CSNK2A2: variants seen among roughly 807,000 people sequenced by gnomAD.
CSNK2A2 encodes casein kinase II subunit alpha'.
In CSNK2A2, 8 loss-of-function variants were observed where a neutral mutation model predicts 54.0. The observed-to-expected ratio is 0.15, with a 90% CI of 0.09 to 0.27. The LOEUF is 0.27. CSNK2A2 is among the 10% of genes least tolerant of loss of function. The pLI is 1.00. For synonymous variants in CSNK2A2, 141 were observed against 153.9 expected (o/e 0.92, Z 0.62); for missense variants, 242 against 439.4 (o/e 0.55, Z 4.02).
Position 58,164,159 on chromosome 16 carries a change from C to T in CSNK2A2, c.977-12G>A. 1 of 1,613,344 alleles carries T rather than the reference C, an allele frequency of 6.2e-7. No homozygotes were observed. Among genetic ancestry groups the T allele is most frequent in the Non-Finnish European group, 8.5e-7 (1 of 1,179,598 alleles). On this transcript the variant is annotated splice_polypyrimidine_tract_variant and intron_variant, in intron 10 of 11. Transcript: ENST00000262506. ...CTTCACCACAGGGTCTGCAAGAAAGCAGGAGGAAAGTCAGGCAATCAGGGT... is the reference window on the plus strand; with the variant it reads ...CTTCACCACAGGGTCTGCAAGAAAGTAGGAGGAAAGTCAGGCAATCAGGGT...
chr16:58,168,705 G>C lies in CSNK2A2; in HGVS notation c.430-12C>G. On this transcript the variant is annotated splice_polypyrimidine_tract_variant and intron_variant, in intron 5 of 11. Coordinates refer to ENST00000262506, the MANE Select transcript of CSNK2A2 (RefSeq NM_001896.4). ...CAGTAATCCAGAGCCTATTAGGTAA[G>C]AAAGCACAGATAATAGTAAGCAACC... 2 of 1,607,610 alleles carry C rather than the reference G, an allele frequency of 1.2e-6. No individual in the cohort carries two copies. Among genetic ancestry groups the C allele is most frequent in the East Asian group, 2.2e-5 (1 of 44,802 alleles).
intron 2 of CSNK2A2, among the ~76,000 whole-genome samples, chr16:58,195,298 A>G (rs757031775): frequency 3.3e-5 from 5 of 152,130 alleles, no homozygotes; most frequent in Non-Finnish European, 7.3e-5. Context: ...TGTGTCTGAG[A>G]ACACAAATAA....
intron 5 of CSNK2A2, among the ~76,000 whole-genome samples, chr16:58,171,977 A>AT (rs1233463415): frequency 1.5e-4 from 5 of 34,318 alleles, no homozygotes; most frequent in African/African-American, 7.7e-4. Context: ...ATATATATAT[A>AT]TATTTTTTTT....
At chr16:58,194,479 AAAG>A (rs1272127965) in intron 2 of CSNK2A2, among the ~76,000 whole-genome samples, 2 of 152,360 alleles carry the variant, frequency 1.3e-5, no homozygotes, top group East Asian at 1.9e-4. Context: ...TAAAAAACAT[AAAG>A]AAGTGAGTCT....
chr16:58,188,830 G>C (rs1294423869), intron 2 of CSNK2A2, among the ~76,000 whole-genome samples: 2 of 152,090 alleles, frequency 1.3e-5, no homozygotes. Context: ...GTATATGAGA[G>C]AGAAAGAGAA....
Position 58,186,873 on chromosome 16 carries a change from T to A in CSNK2A2, c.217-17A>T. 6.3e-7 allele frequency: 1 copy of A among 1,579,502 alleles called. No individual in the cohort carries two copies. Among genetic ancestry groups the A allele is most frequent in the Non-Finnish European group, 8.7e-7 (1 of 1,150,222 alleles). On this transcript the variant is annotated splice_polypyrimidine_tract_variant and intron_variant, in intron 2 of 11. Transcript: ENST00000262506. ...CTTCACTGGCTTAAATACACAAGAGTAATCAGAAGTGAGACTCCTTTTGAA... is the reference window on the plus strand; with the variant it reads ...CTTCACTGGCTTAAATACACAAGAGAAATCAGAAGTGAGACTCCTTTTGAA...
intron 8 of CSNK2A2, 92 bp downstream of exon 8, chr16:58,167,115 C>T (rs2142412130): frequency 1.3e-6 from 1 of 771,894 alleles, no homozygotes; most frequent in Non-Finnish European, 2.1e-6. Flanking sequence ...CTGAGTGATA[C>T]TTAGTGGCTC....
Position 58,166,687 on chromosome 16 carries a change from G to A in CSNK2A2, c.727-3C>T. On this transcript the variant is annotated splice_region_variant and splice_polypyrimidine_tract_variant and intron_variant, in intron 8 of 11. Coordinates refer to ENST00000262506, the MANE Select transcript of CSNK2A2 (RefSeq NM_001896.4). ...AGAACCTTGGCAATGCGAACAAGCT[G>A]AAACACAAAACAAACTGACCAAATC... 1 of 1,610,082 alleles carries A rather than the reference G, an allele frequency of 6.2e-7. No homozygotes were observed. The highest frequency in any genetic ancestry group is 8.5e-7 in the Non-Finnish European group (1 of 1,176,724).
chr16:58,161,518 G>GACACACAGACACACACACAGACAC (rs67101508), intron 11 of CSNK2A2: 17 of 135,556 alleles, frequency 1.3e-4, no homozygotes, highest in Admixed American at 3.8e-4. Context: ...CTAAATATTA[G>GACACACAGACACACACACAGACAC]ACACACAGAC....
At chr16:58,172,658 C>G (rs1026877853) in intron 5 of CSNK2A2, among the ~76,000 whole-genome samples, 8 of 152,204 alleles carry the variant, frequency 5.3e-5, no homozygotes, top group African/African-American at 1.9e-4. Context: ...GTAATTAATT[C>G]TTTTGCCAAG....
At chr16:58,174,310 G>A in intron 5 of CSNK2A2, 141 bp downstream of exon 5, 1 of 583,500 alleles carries the variant, frequency 1.7e-6, no homozygotes, top group Non-Finnish European at 2.9e-6. Flanking sequence ...CCTCGATGGA[G>A]GCCTCAATAT....
chr16:58,164,158 G>C lies in CSNK2A2; in HGVS notation c.977-11C>G. 6.2e-7 allele frequency: 1 copy of C among 1,613,530 alleles called. No individual in the cohort carries two copies. Among genetic ancestry groups the C allele is most frequent in the Non-Finnish European group, 8.5e-7 (1 of 1,179,670 alleles). ...CCTTCACCACAGGGTCTGCAAGAAA[G>C]CAGGAGGAAAGTCAGGCAATCAGGG... On this transcript the variant is annotated splice_polypyrimidine_tract_variant and intron_variant, in intron 10 of 11. Coordinates refer to ENST00000262506, the MANE Select transcript of CSNK2A2 (RefSeq NM_001896.4).
chr16:58,173,262 A>C (rs1048449751), intron 5 of CSNK2A2, among the ~76,000 whole-genome samples: 1 of 152,244 alleles, frequency 6.6e-6, no homozygotes, highest in Non-Finnish European at 1.5e-5. Flanking sequence ...CATTAGCCAT[A>C]AGAGTGAACC....
chr16:58,174,846 T>G (rs956917967), intron 4 of CSNK2A2, among the ~76,000 whole-genome samples: 1 of 151,718 alleles, frequency 6.6e-6, no homozygotes, highest in African/African-American at 2.4e-5. Flanking sequence ...GTCTTCACAT[T>G]CTTACCGAAC....
At chr16:58,187,139 T>C (rs1470711965) in intron 2 of CSNK2A2, among the ~76,000 whole-genome samples, 1 of 151,148 alleles carries the variant, frequency 6.6e-6, no homozygotes, top group African/African-American at 2.4e-5. Flanking sequence ...TATCACACTT[T>C]AAAAATAAAA....
intron 11 of CSNK2A2, chr16:58,162,627 GAA>G (rs1266050706): frequency 1.3e-5 from 2 of 152,170 alleles, no homozygotes; most frequent in Non-Finnish European, 2.9e-5. Flanking sequence ...AGTTAATAAA[GAA>G]ATCTTAAAGG....
Position 58,158,057 on chromosome 16 carries a change from C to G in CSNK2A2, c.*314G>C, listed in dbSNP as rs1445267743. 3 of 152,634 alleles carry G rather than the reference C, an allele frequency of 2.0e-5. No individual in the cohort carries two copies. The highest frequency in any genetic ancestry group is 4.4e-5 in the Non-Finnish European group (3 of 68,056). The allele number at this position is 152,634 out of a possible 1,614,324, so 9.5% of individuals were successfully genotyped here. ...GCTGGAAAAACAGGCGGCCACGGGACGAGTCGAGGGGCTCGGGGAGCAACA... is the reference window on the plus strand; with the variant it reads ...GCTGGAAAAACAGGCGGCCACGGGAGGAGTCGAGGGGCTCGGGGAGCAACA... On this transcript the variant is annotated 3_prime_UTR_variant, in exon 12 of 12. Transcript: ENST00000262506.
At chr16:58,176,853 C>A (rs747446172) in intron 4 of CSNK2A2, among the ~76,000 whole-genome samples, 1 of 152,160 alleles carries the variant, frequency 6.6e-6, no homozygotes, top group Non-Finnish European at 1.5e-5. Context: ...CTGGTGGTAA[C>A]CTCAGGTTCT....
intron 10 of CSNK2A2, among the ~76,000 whole-genome samples, chr16:58,165,321 G>A (rs916267683): frequency 2.6e-5 from 4 of 152,222 alleles, no homozygotes; most frequent in African/African-American, 9.6e-5. Context: ...CAGGGTAACA[G>A]GGAGTAGTCA....
Sources: allele counts gnomAD v4.1 joint callset (sites outside exome capture counted in the v4.1 genomes callset), GRCh38; gene constraint gnomAD v4.1.1; transcripts MANE v1.5; gene names NCBI Gene and HGNC (gene_info 2026-07-23, HGNC 2026-07-21).